Variants in GAB2 observed in about 807,000 individuals in gnomAD.
GAB2 encodes the protein GRB2-associated-binding protein 2.
In GAB2, 26 loss-of-function variants were observed where a neutral mutation model predicts 65.5. The ratio of observed to expected loss-of-function variants is 0.40; its 90% confidence interval spans 0.29 to 0.55. GAB2 has a LOEUF of 0.55. Ranked by LOEUF, GAB2 falls within the 20% of genes least tolerant of loss-of-function variation. GAB2 has a pLI of 0.53. For missense variants in GAB2, 884 were observed against 875.8 expected (o/e 1.01, Z -0.12); for synonymous variants, 321 against 329.6 (o/e 0.97, Z 0.28).
chr11:78,329,057 T>A (rs1855871872), intron 1 of GAB2, among the ~76,000 whole-genome samples: 1 of 152,162 alleles, frequency 6.6e-6, no homozygotes, highest in Admixed American at 6.5e-5. Context: ...CAATGGGTGG[T>A]CAAAGGAATG....
At chr11:78,227,141 G>T in intron 3 of GAB2, 90 bp from the exon 4 acceptor site, 1 of 843,884 alleles carries the variant, frequency 1.2e-6, no homozygotes, top group Non-Finnish European at 1.9e-6. Context: ...TCTATACTTT[G>T]GTTTAGGCAT....
At chr11:78,370,733 G>T (rs1856561684) in intron 1 of GAB2, among the ~76,000 whole-genome samples, 1 of 151,928 alleles carries the variant, frequency 6.6e-6, no homozygotes. Flanking sequence ...GTATGTGTGT[G>T]TGTGTGTGTG....
At chr11:78,343,699 G>A (rs1856137648) in intron 1 of GAB2, among the ~76,000 whole-genome samples, 2 of 151,964 alleles carry the variant, frequency 1.3e-5, no homozygotes, top group African/African-American at 4.8e-5. Context: ...GCACATATGT[G>A]ATTTTAAAAT....
rs765820561 is a variant in GAB2 at position 78,223,545 on chromosome 11, T to A, written c.1434A>T (p.Pro478=). ...CAAAGTGATGGGCCCCTGGGCTCAT[T>A]GGGATGTAGACGCTCTGGGAATTAT... ...AGDNSQSVYI[P]MSPGAHHFDS... is the part of the protein sequence containing the mutation. Residue 478 remains proline, a synonymous_variant, in exon 6 of 10, where the codon CCA becomes CCT. Transcript: ENST00000361507. 3 of 1,613,696 alleles carry A rather than the reference T, an allele frequency of 1.9e-6. No homozygotes were observed. The South Asian group carries it at 3.3e-5, about 18-fold the overall frequency.
intron 1 of GAB2, among the ~76,000 whole-genome samples, chr11:78,407,301 A>G (rs1031654649): frequency 1.3e-5 from 2 of 152,062 alleles, no homozygotes; most frequent in Admixed American, 6.6e-5. Context: ...AAAATTCTGA[A>G]AATAAAGAGA....
chr11:78,329,102 G>C (rs1319139177), intron 1 of GAB2, among the ~76,000 whole-genome samples: 1 of 152,180 alleles, frequency 6.6e-6, no homozygotes, highest in African/African-American at 2.4e-5. Flanking sequence ...AGCAAGCATA[G>C]TAAAATATTA....
At chr11:78,234,038 C>T (rs760746785) in intron 3 of GAB2, among the ~76,000 whole-genome samples, 1 of 152,102 alleles carries the variant, frequency 6.6e-6, no homozygotes, top group Non-Finnish European at 1.5e-5. Flanking sequence ...AAAATCTTTG[C>T]TTACCTCAAG....
intron 1 of GAB2, among the ~76,000 whole-genome samples, chr11:78,351,227 G>A (rs1277157428): frequency 6.6e-6 from 1 of 151,802 alleles, no homozygotes; most frequent in Non-Finnish European, 1.5e-5. Flanking sequence ...TATTAGAAGG[G>A]GCCTTCGGCA....
At chr11:78,251,775 C>T (rs1865462482) in intron 2 of GAB2, among the ~76,000 whole-genome samples, 2 of 152,222 alleles carry the variant, frequency 1.3e-5, no homozygotes, top group African/African-American at 4.8e-5. Flanking sequence ...GCACTTGGCC[C>T]ATGCTCCCAT....
At chr11:78,320,764 G>GT (rs1855708519) in intron 1 of GAB2, among the ~76,000 whole-genome samples, 1 of 115,014 alleles carries the variant, frequency 8.7e-6, no homozygotes, top group African/African-American at 3.4e-5. Context: ...ATGGAGTTTT[G>GT]TCATGTTGCC....
chr11:78,270,542 GCAT>G (rs1865982926), intron 2 of GAB2, among the ~76,000 whole-genome samples: 1 of 152,088 alleles, frequency 6.6e-6, no homozygotes, highest in African/African-American at 2.4e-5. Context: ...CTGCTTTCTG[GCAT>G]CATCACTTAG....
chr11:78,417,604 A>G, intron 1 of GAB2, 42 bp downstream of exon 1: 6 of 1,076,100 alleles, frequency 5.6e-6, no homozygotes, highest in South Asian at 1.8e-5. Flanking sequence ...CAGGCCCCGG[A>G]GCGCCCCCCG....
chr11:78,250,533 A>G, intron 2 of GAB2, 133 bp from the exon 3 acceptor site: 1 of 778,182 alleles, frequency 1.3e-6, no homozygotes, highest in Non-Finnish European at 2.1e-6. Context: ...TCCCTCTCAT[A>G]TACCTGCCCC....
At chr11:78,247,201 TCTC>T (rs1865322871) in intron 3 of GAB2, among the ~76,000 whole-genome samples, 1 of 152,208 alleles carries the variant, frequency 6.6e-6, no homozygotes, top group Non-Finnish European at 1.5e-5. Context: ...TACAAGTTCT[TCTC>T]CTCTTTACAA....
At chr11:78,361,397 C>T (rs746842225) in intron 1 of GAB2, among the ~76,000 whole-genome samples, 2 of 151,866 alleles carry the variant, frequency 1.3e-5, no homozygotes, top group Admixed American at 1.3e-4. Context: ...TCCTGCATGG[C>T]AACACGGACA....
intron 1 of GAB2, among the ~76,000 whole-genome samples, chr11:78,385,160 G>A (rs1390383112): frequency 6.6e-6 from 1 of 152,156 alleles, no homozygotes; most frequent in Non-Finnish European, 1.5e-5. Flanking sequence ...ACAAAGGACA[G>A]GGAAAATCAT....
chr11:78,357,210 AAG>A (rs748614324), intron 1 of GAB2, among the ~76,000 whole-genome samples: 32 of 152,338 alleles, frequency 2.1e-4, no homozygotes, highest in South Asian at 1.9e-3. Flanking sequence ...TCTGGAAAGA[AAG>A]AGAGCACTAA....
chr11:78,274,083 T>C (rs1045284484), intron 2 of GAB2, among the ~76,000 whole-genome samples: 8 of 152,140 alleles, frequency 5.3e-5, no homozygotes, highest in African/African-American at 1.9e-4. Flanking sequence ...ACTAATACAC[T>C]GGGCAATATA....
chr11:78,220,687 G>C (rs958086150), intron 8 of GAB2, among the ~76,000 whole-genome samples: 5 of 152,172 alleles, frequency 3.3e-5, no homozygotes, highest in African/African-American at 1.2e-4. Context: ...TCAGAGAAGT[G>C]ACTTTGCCTG....
Sources: gnomAD v4.1 joint callset for allele counts (sites outside exome capture counted in the v4.1 genomes callset) on GRCh38, gnomAD v4.1.1 for gene constraint, MANE v1.5 for transcripts, NCBI Gene and HGNC (gene_info 2026-07-23, HGNC 2026-07-21) for gene names.